MYLK: variants seen among roughly 807,000 people sequenced by gnomAD.
MYLK encodes the protein myosin light chain kinase, smooth muscle.
In MYLK, 106 loss-of-function variants were observed where a neutral mutation model predicts 203.4. The ratio of observed to expected loss-of-function variants is 0.52; its 90% CI spans 0.45 to 0.61. The LOEUF is 0.61. Among genes scored for constraint, MYLK ranks in the 20% least tolerant of loss-of-function variants. The pLI is 0.00. For synonymous variants in MYLK, 867 were observed against 959.5 expected (o/e 0.90, Z 1.78); for missense variants, 2,072 against 2,442.3 (o/e 0.85, Z 3.20).
chr3:123,786,545 T>A (rs1269913294), intron 4 of MYLK, among the ~76,000 whole-genome samples: 1 of 114,812 alleles, frequency 8.7e-6, no homozygotes, highest in African/African-American at 3.3e-5. Flanking sequence ...GAGGGGGGGA[T>A]GGCTAATGGG....
chr3:123,827,684 T>C (rs1332821409), intron 3 of MYLK, among the ~76,000 whole-genome samples: 1 of 75,502 alleles, frequency 1.3e-5, no homozygotes, highest in Non-Finnish European at 2.8e-5. Flanking sequence ...AATGAAAAGA[T>C]GAAAAACACC....
intron 23 of MYLK, among the ~76,000 whole-genome samples, chr3:123,661,672 C>T (rs1446135904): frequency 6.6e-6 from 1 of 152,102 alleles, no homozygotes; most frequent in African/African-American, 2.4e-5. Context: ...GTGACGGACA[C>T]TGAGAAATGG....
rs142926914 is a variant in MYLK at position 123,796,172 on chromosome 3, C to A, written c.-3-2328G>T. 2.1e-3 allele frequency among the ~76,000 whole-genome samples: 314 copies of A among 152,284 alleles called. 3 individuals are homozygous for A. Among genetic ancestry groups the A allele is most frequent in the African/African-American group, 7.1e-3 (297 of 41,568 alleles). ...ACTAGATGTGGGGAACTCTTCCAAG[C>A]CCTTTATAAATAATAAATATAAATA... On this transcript the variant is annotated intron_variant, in intron 3 of 33. Coordinates refer to ENST00000360304, the MANE Select transcript of MYLK (RefSeq NM_053025.4).
chr3:123,837,537 TTA>T (rs1191608356), intron 2 of MYLK, among the ~76,000 whole-genome samples: 2 of 146,996 alleles, frequency 1.4e-5, no homozygotes, highest in South Asian at 2.1e-4. Context: ...AATACATATT[TTA>T]TATATATATG....
chr3:123,700,624 G>A lies in MYLK; in HGVS notation c.2844C>T (p.Pro948=), dbSNP rs772331257. The A allele has an allele frequency of 4.3e-6, 7 of 1,613,880 alleles. No homozygotes were observed. Among genetic ancestry groups the A allele is most frequent in the Non-Finnish European group, 5.9e-6 (7 of 1,180,034 alleles). Residue 948 remains proline (P), a synonymous_variant, in exon 18 of 34, where the codon CCC becomes CCT. Transcript: ENST00000360304. ...VSEEERKVHS[P]QQVDFRSVLA... ...GGACAGAGCGAAAATCGACCTGCTGGGGGCTGTGCACCTTCCTCTCTTCCT... is the reference window on the plus strand; with the variant it reads ...GGACAGAGCGAAAATCGACCTGCTGAGGGCTGTGCACCTTCCTCTCTTCCT...
At chr3:123,880,337 A>G (rs1005909117) in intron 1 of MYLK, among the ~76,000 whole-genome samples, 1 of 152,166 alleles carries the variant, frequency 6.6e-6, no homozygotes, top group Admixed American at 6.5e-5. Context: ...TGAAAACAAG[A>G]AAGGTAAACA....
chr3:123,646,580 G>A (rs2059028670), intron 27 of MYLK, among the ~76,000 whole-genome samples: 1 of 152,246 alleles, frequency 6.6e-6, no homozygotes, highest in African/African-American at 2.4e-5. Flanking sequence ...AGAGGTAAGG[G>A]AGGTGGAGGA....
chr3:123,613,823 A>G lies in MYLK; in HGVS notation c.*282T>C. On this transcript the variant is annotated 3_prime_UTR_variant, in exon 34 of 34. Transcript: ENST00000360304. ...GCCCAGATAAATATTTGGTTTGGTTACTTTCTCTCTAAAATCAATTGGTCA... is the reference window on the plus strand; with the variant it reads ...GCCCAGATAAATATTTGGTTTGGTTGCTTTCTCTCTAAAATCAATTGGTCA... 4.6e-6 allele frequency: 2 copies of G among 434,018 alleles called. No homozygotes were observed. Among genetic ancestry groups the G allele is most frequent in the Middle Eastern group, 1.4e-3 (2 of 1,436 alleles). 26.9% of individuals were successfully genotyped at this position (434,018 alleles called of 1,614,324 possible).
At chr3:123,638,018 A>G in intron 29 of MYLK, 53 bp downstream of exon 29, 1 of 1,611,998 alleles carries the variant, frequency 6.2e-7, no homozygotes, top group Non-Finnish European at 8.5e-7. Flanking sequence ...CTCAGCCCCC[A>G]CCCACTGGTC....
At position 123,637,780 on chromosome 3, in the gene MYLK, C is replaced by T. The variant is rs565704025; in HGVS notation, c.4961+291G>A. Among the ~76,000 whole-genome samples, 3 of 152,272 alleles carry T rather than the reference C, an allele frequency of 2.0e-5. No homozygotes were observed. The East Asian group carries it at 5.8e-4, about 29-fold the overall frequency. On this transcript the variant is annotated intron_variant, in intron 29 of 33. Transcript: ENST00000360304. ...CCAGCCACATTTCCCACCCTCCTGA[C>T]CAAAGGCCCCAGGCTGGCCAGCCTT... is the stretch of plus-strand genomic sequence containing the variant.
At chr3:123,732,573 T>A (rs1367088792) in intron 11 of MYLK, among the ~76,000 whole-genome samples, 2 of 152,232 alleles carry the variant, frequency 1.3e-5, no homozygotes, top group South Asian at 2.1e-4. Context: ...GTATATTTAA[T>A]GAACACTCAG....
Position 123,638,932 on chromosome 3 carries a change from G to C in MYLK, c.4838-738C>G, listed in dbSNP as rs571284605. ...CTTGCTTAACTTCGCAGAGCTCACA[G>C]CAAATGTTCTAAAACAAAGCATTTA... On this transcript the variant is annotated intron_variant, in intron 28 of 33. Coordinates refer to ENST00000360304, the MANE Select transcript of MYLK (RefSeq NM_053025.4). 24 of 985,458 alleles carry C rather than the reference G, an allele frequency of 2.4e-5. No individual in the cohort carries two copies. In the African/African-American group the frequency reaches 4.2e-4, roughly 17 times the overall value. The allele number at this position is 985,458 out of a possible 1,614,324, so 61.0% of individuals were successfully genotyped here.
At chr3:123,614,631 T>A (rs1016821465) in intron 33 of MYLK, among the ~76,000 whole-genome samples, 1 of 152,148 alleles carries the variant, frequency 6.6e-6, no homozygotes, top group African/African-American at 2.4e-5. Flanking sequence ...ATTTAATAGT[T>A]TTTTTATTTT....
At chr3:123,768,470 C>T (rs901649326) in intron 4 of MYLK, among the ~76,000 whole-genome samples, 5 of 152,164 alleles carry the variant, frequency 3.3e-5, no homozygotes, top group African/African-American at 9.7e-5. Flanking sequence ...ACCTGAATGA[C>T]CCACCCAGCC....
chr3:123,793,994 G>C lies in MYLK; in HGVS notation c.-3-150C>G, dbSNP rs75132993. 850 of 796,712 alleles carry C rather than the reference G, an allele frequency of 1.1e-3. 7 individuals carry two copies. In the African/African-American group the frequency reaches 0.013, roughly 12 times the overall value. The allele number at this position is 796,712 out of a possible 1,614,324, so 49.4% of individuals were successfully genotyped here. On this transcript the variant is annotated intron_variant, in intron 3 of 33. Transcript: ENST00000360304. ...CAGTGTCCACCCACAGCTCCTCTGT[G>C]AAGATGAGAGGCTCTGTCTTTTATA...
At chr3:123,706,784 T>C (rs2061477287) in intron 16 of MYLK, among the ~76,000 whole-genome samples, 1 of 141,698 alleles carries the variant, frequency 7.1e-6, no homozygotes, top group African/African-American at 3.1e-5. Flanking sequence ...AATGTAGCAG[T>C]GTGCCTCATG....
At chr3:123,697,547 G>A (rs1576606034) in intron 18 of MYLK, among the ~76,000 whole-genome samples, 1 of 152,260 alleles carries the variant, frequency 6.6e-6, no homozygotes, top group East Asian at 1.9e-4. Flanking sequence ...CGGTGGTCTA[G>A]GCACGGGAAC....
At chr3:123,661,361 G>A (rs1018789478) in intron 23 of MYLK, among the ~76,000 whole-genome samples, 1 of 152,146 alleles carries the variant, frequency 6.6e-6, no homozygotes, top group African/African-American at 2.4e-5. Context: ...TGATAGGACG[G>A]GAGTACAGGG....
chr3:123,710,031 T>C, intron 13 of MYLK, 138 bp from the exon 14 acceptor site: 1 of 1,155,340 alleles, frequency 8.7e-7, no homozygotes, highest in Non-Finnish European at 1.3e-6. Context: ...TAAAGAGTGT[T>C]TGGAGTTTCT....
Sources: allele counts gnomAD v4.1 joint callset (sites outside exome capture counted in the v4.1 genomes callset), GRCh38; gene constraint gnomAD v4.1.1; transcripts MANE v1.5; gene names NCBI Gene and HGNC (gene_info 2026-07-23, HGNC 2026-07-21).